XG: variants seen among roughly 807,000 people sequenced by gnomAD.
The protein encoded by XG is glycoprotein Xg.
In XG, 24 loss-of-function variants were observed where a neutral mutation model predicts 25.7. That is an observed-to-expected ratio of 0.93 (90% CI 0.68 to 1.31). The LOEUF (loss-of-function observed/expected upper bound fraction) is 1.31. Ranked by LOEUF, XG falls within the 40% of genes most tolerant of loss-of-function variation. The probability of loss-of-function intolerance (pLI) is 0.00; values close to 1 mark genes in which losing one functional copy is unlikely to be tolerated. For missense variants in XG, 181 were observed against 187.6 expected (o/e 0.96, Z 0.21); for synonymous variants, 77 against 69.2 (o/e 1.11, Z -0.56).
chrX:2,783,314 C>T (rs1341345359), intron 4 of XG, among the ~76,000 whole-genome samples: 1 of 90,075 alleles, frequency 1.1e-5, no homozygotes, highest in Non-Finnish European at 2.1e-5. Flanking sequence ...ATATGCAATT[C>T]AAAAAAGAAA....
At chrX:2,765,198 T>A (rs1198997274) in intron 1 of XG, among the ~76,000 whole-genome samples, 3 of 151,096 alleles carry the variant, frequency 2.0e-5, no homozygotes, top group Non-Finnish European at 2.9e-5. Context: ...ATAAAAAAAA[T>A]TAGTTGGGCA....
intron 1 of XG, among the ~76,000 whole-genome samples, chrX:2,753,800 C>G (rs1351448677): frequency 1.3e-5 from 2 of 152,106 alleles, no homozygotes; most frequent in Non-Finnish European, 2.9e-5. Context: ...CCAGGCTGGT[C>G]TTGAATCTTG....
chrX:2,812,286 C>T (rs1281239572), intron 10 of XG, among the ~76,000 whole-genome samples: 1 of 111,645 alleles, frequency 9.0e-6, no homozygotes, highest in Non-Finnish European at 1.9e-5. Flanking sequence ...AATGCCGGCT[C>T]CACACTCCTG....
Position 2,766,892 on chromosome X carries a change from G to C in XG, c.62-3658G>C, listed in dbSNP as rs960288507. Among the ~76,000 whole-genome samples, 4 of 152,214 alleles carry C rather than the reference G, an allele frequency of 2.6e-5. No individual in the cohort carries two copies. The East Asian group carries it at 7.7e-4, about 29-fold the overall frequency. ...TGCCACTCTTTATACAGATAGGATA[G>C]AGGGAAAGTTAGATTCCTGTTTTTA... On this transcript the variant is annotated intron_variant, in intron 1 of 10. Coordinates refer to ENST00000644266, the MANE Select transcript of XG (RefSeq NM_001141919.2).
At chrX:2,756,751 C>T (rs1426375383) in intron 1 of XG, among the ~76,000 whole-genome samples, 1 of 152,200 alleles carries the variant, frequency 6.6e-6, no homozygotes, top group Non-Finnish European at 1.5e-5. Flanking sequence ...ATCTGTTTGA[C>T]CGCCACACAC....
At chrX:2,764,549 T>A (rs887281204) in intron 1 of XG, among the ~76,000 whole-genome samples, 17 of 151,998 alleles carry the variant, frequency 1.1e-4, no homozygotes, top group Non-Finnish European at 1.6e-4. Context: ...CTGAAGGAAG[T>A]CAAGATTTGT....
chrX:2,786,220 G>A (rs2086781592), intron 4 of XG, among the ~76,000 whole-genome samples: 1 of 101,211 alleles, frequency 9.9e-6, no homozygotes, highest in Non-Finnish European at 2.0e-5. Flanking sequence ...GTTGCTCACC[G>A]ATTCTTTTCT....
intron 1 of XG, among the ~76,000 whole-genome samples, chrX:2,763,094 A>C (rs2050600977): frequency 6.6e-6 from 1 of 151,800 alleles, no homozygotes; most frequent in Non-Finnish European, 1.5e-5. Flanking sequence ...GCTCAGTGCA[A>C]CCTCCAGCAC....
chrX:2,765,041 CAAAAAAAAAAA>C (rs1219282861), intron 1 of XG, among the ~76,000 whole-genome samples: 66 of 36,612 alleles, frequency 1.8e-3, no homozygotes, highest in African/African-American at 5.6e-3. Flanking sequence ...ATTCTTTATC[CAAAAAAAAAAA>C]AAAAAAAAAA....
At position 2,764,127 on chromosome X, in the gene XG, T is replaced by A. The variant is rs1045283994; in HGVS notation, c.62-6423T>A. Among the ~76,000 whole-genome samples the A allele has an allele frequency of 2.6e-5, 4 of 152,110 alleles. No individual in the cohort carries two copies. In the East Asian group the frequency reaches 7.7e-4, roughly 29 times the overall value. ...TGGCGATGAGAGTGACCTCGGGTGG[T>A]CCTCACTTGTGTCTTCCCACCAGCA... On this transcript the variant is annotated intron_variant, in intron 1 of 10. Transcript: ENST00000644266.
chrX:2,803,429 A>T (rs1243408792), intron 7 of XG, among the ~76,000 whole-genome samples: 12 of 111,675 alleles, frequency 1.1e-4, no homozygotes, highest in Admixed American at 6.7e-4. Flanking sequence ...AGGAATTGTA[A>T]TGGAGAAAGA....
At position 2,774,718 on chromosome X, in the gene XG, C is replaced by A; in HGVS notation, c.106C>A (p.Pro36Thr). Residue 36 changes from proline to threonine, a missense_variant and splice_region_variant, in exon 3 of 11, where the codon CCC becomes ACC. Transcript: ENST00000644266. ...DLADALDDPE[P>T]TKKPNSDIYP... ...TTATTTTCTCTCTTTGTTCACAGAACCCACCAAGAAGCCAAACTCAGGTGA... is the reference window on the plus strand; with the variant it reads ...TTATTTTCTCTCTTTGTTCACAGAAACCACCAAGAAGCCAAACTCAGGTGA... The A allele has an allele frequency of 6.2e-7, 1 of 1,613,768 alleles. No homozygotes were observed. Among genetic ancestry groups the A allele is most frequent in the African/African-American group, 1.3e-5 (1 of 74,946 alleles).
chrX:2,752,200 G>A lies in XG; in HGVS notation c.-75G>A. On this transcript the variant is annotated 5_prime_UTR_variant, in exon 1 of 11. Coordinates refer to ENST00000644266, the MANE Select transcript of XG (RefSeq NM_001141919.2). The stretch of plus-strand genomic sequence containing the variant: ...CTGGGAGACCAGAAGTCAACAACAG[G>A]AGGGTGGAGAGGCCGGGTCTCACAA... 6.2e-7 allele frequency: 1 copy of A among 1,607,680 alleles called. No individual in the cohort carries two copies. Among genetic ancestry groups the A allele is most frequent in the South Asian group, 1.1e-5 (1 of 90,484 alleles).
chrX:2,772,138 G>A (rs2050831744), intron 2 of XG, among the ~76,000 whole-genome samples: 1 of 152,190 alleles, frequency 6.6e-6, no homozygotes. Context: ...GGGCTGGCTG[G>A]TAGGCTCAGA....
chrX:2,812,121 G>A (rs1377178310), intron 10 of XG, among the ~76,000 whole-genome samples: 1 of 111,688 alleles, frequency 9.0e-6, no homozygotes. Context: ...TCACAGGCGA[G>A]TCAGGAAAAA....
intron 1 of XG, among the ~76,000 whole-genome samples, chrX:2,761,062 A>G (rs1393703270): frequency 1.3e-5 from 2 of 152,170 alleles, no homozygotes; most frequent in African/African-American, 4.8e-5. Context: ...TTGTATTCCA[A>G]TGAATGAGTT....
chrX:2,813,681 G>C (rs1383151444), intron 10 of XG, among the ~76,000 whole-genome samples: 1 of 112,579 alleles, frequency 8.9e-6, no homozygotes. Context: ...GCAGATGTCT[G>C]TCACTTGATG....
At chrX:2,772,566 G>T in intron 2 of XG, among the ~76,000 whole-genome samples, 1 of 152,250 alleles carries the variant, frequency 6.6e-6, no homozygotes, top group Non-Finnish European at 1.5e-5. Context: ...GGGACAAAAG[G>T]GAGGGACTGC....
At chrX:2,784,614 G>A (rs1207144234) in intron 4 of XG, among the ~76,000 whole-genome samples, 4 of 109,354 alleles carry the variant, frequency 3.7e-5, no homozygotes, top group Non-Finnish European at 7.6e-5. Flanking sequence ...CTTAAAATGC[G>A]AGATCCTTTA....
Sources: gnomAD v4.1 joint callset for allele counts (sites outside exome capture counted in the v4.1 genomes callset) on GRCh38, gnomAD v4.1.1 for gene constraint, MANE v1.5 for transcripts, NCBI Gene and HGNC (gene_info 2026-07-23, HGNC 2026-07-21) for gene names.